Variants in ATP10A observed in about 807,000 individuals in gnomAD.
ATP10A encodes the protein phospholipid-transporting ATPase VA.
ATP10A carries 111 observed loss-of-function variants against 147.8 expected under a neutral mutation model. That is an observed-to-expected ratio of 0.75 (90% CI 0.64 to 0.88). The LOEUF is 0.88. Ranked by LOEUF, ATP10A falls within the 40% of genes least tolerant of loss-of-function variation. ATP10A has a pLI of 0.00. For synonymous variants in ATP10A, 875 were observed against 841.6 expected (o/e 1.04, Z -0.69); for missense variants, 1,927 against 1,959.0 (o/e 0.98, Z 0.31).
chr15:25,754,853 T>A (rs1043624236), intron 2 of ATP10A, among the ~76,000 whole-genome samples: 2 of 152,124 alleles, frequency 1.3e-5, no homozygotes, highest in Non-Finnish European at 2.9e-5. Context: ...ATTGAAGAAG[T>A]GCACTTGAGT....
At chr15:25,732,108 G>A (rs1418964560) in intron 3 of ATP10A, among the ~76,000 whole-genome samples, 1 of 152,122 alleles carries the variant, frequency 6.6e-6, no homozygotes, top group African/African-American at 2.4e-5. Flanking sequence ...CTAACCTCAA[G>A]TGAACCTCCC....
At position 25,725,944 on chromosome 15, in the gene ATP10A, G is replaced by T; in HGVS notation, c.979+7C>A. On this transcript the variant is annotated splice_region_variant and intron_variant, in intron 5 of 20. Transcript: ENST00000555815. Reference sequence around the variant, plus strand: ...CCACTCATTTCCGATCCATCTAGGAGACTTACCGACTGCTGAAAACAGAGA... The same window carrying T: ...CCACTCATTTCCGATCCATCTAGGATACTTACCGACTGCTGAAAACAGAGA... 1.2e-6 allele frequency: 2 copies of T among 1,612,136 alleles called. No individual in the cohort carries two copies. The highest frequency in any genetic ancestry group is 2.2e-5 in the South Asian group (2 of 90,918).
chr15:25,726,439 CT>C (rs1902555626), intron 4 of ATP10A, among the ~76,000 whole-genome samples: 1 of 145,016 alleles, frequency 6.9e-6, no homozygotes, highest in Non-Finnish European at 1.5e-5. Flanking sequence ...ATATGTTATG[CT>C]TTTTTTCTTT....
rs984919349 is a variant in ATP10A at position 25,778,059 on chromosome 15, CAT to C, written c.654+2958_654+2959del. Reference sequence around the variant, plus strand: ...CACATCAGACTTTCTCTGATTGAATCATGTGTGGTTTCTGTCTCCTGACTGGA... The same window carrying C: ...CACATCAGACTTTCTCTGATTGAATCGTGTGGTTTCTGTCTCCTGACTGGA... On this transcript the variant is annotated intron_variant, in intron 2 of 20. Coordinates refer to ENST00000555815, the MANE Select transcript of ATP10A (RefSeq NM_024490.4). Among the ~76,000 whole-genome samples, 4 of 152,206 alleles carry C rather than the reference CAT, an allele frequency of 2.6e-5. No homozygotes were observed. The East Asian group carries it at 5.8e-4, about 22-fold the overall frequency.
At chr15:25,804,477 T>C (rs1308727645) in intron 1 of ATP10A, among the ~76,000 whole-genome samples, 1 of 140,674 alleles carries the variant, frequency 7.1e-6, no homozygotes, top group Non-Finnish European at 1.5e-5. Flanking sequence ...GGTGTATGTA[T>C]GTGTGTGGTG....
chr15:25,724,110 G>C, intron 5 of ATP10A, 89 bp from the exon 6 acceptor site: 1 of 1,293,966 alleles, frequency 7.7e-7, no homozygotes, highest in Non-Finnish European at 1.0e-6. Flanking sequence ...TTTAATATTT[G>C]TTACCTGATG....
chr15:25,789,853 G>A (rs1044723851), intron 1 of ATP10A, among the ~76,000 whole-genome samples: 1 of 152,006 alleles, frequency 6.6e-6, no homozygotes, highest in Non-Finnish European at 1.5e-5. Flanking sequence ...ATGCCAGTAG[G>A]GCTCCCTCCC....
intron 1 of ATP10A, among the ~76,000 whole-genome samples, chr15:25,813,545 G>A (rs959664776): frequency 2.0e-5 from 3 of 152,058 alleles, no homozygotes; most frequent in Non-Finnish European, 4.4e-5. Context: ...CTACAACAAA[G>A]CATCAATCAA....
At chr15:25,742,469 C>T (rs749436342) in intron 2 of ATP10A, among the ~76,000 whole-genome samples, 12 of 152,226 alleles carry the variant, frequency 7.9e-5, no homozygotes, top group Non-Finnish European at 1.3e-4. Context: ...AGGCGCCAGC[C>T]TCCCCTTGCC....
chr15:25,680,205 G>A lies in ATP10A; in HGVS notation c.3782C>T (p.Pro1261Leu), dbSNP rs765870814. ...CAGTAAGGCTTGCATAGTCCAGTAA[G>A]GGTTGGACGGAGGATAGCACGTGGC... ...SCATCYPPSN[P>L]YWTMQALLGD... The change falls in exon 20 of 21, where the codon CCT becomes CTT. Residue 1261 changes from proline to leucine, a missense_variant. Transcript: ENST00000555815. 1 of 1,614,010 alleles carries A rather than the reference G, an allele frequency of 6.2e-7. No homozygotes were observed. The highest frequency in any genetic ancestry group is 8.5e-7 in the Non-Finnish European group (1 of 1,179,996).
intron 17 of ATP10A, among the ~76,000 whole-genome samples, chr15:25,681,516 C>T (rs1011358218): frequency 1.3e-5 from 2 of 152,154 alleles, no homozygotes; most frequent in African/African-American, 4.8e-5. Context: ...TTTTAGAGAG[C>T]CTCTCTCTGT....
chr15:25,689,106 G>A lies in ATP10A; in HGVS notation c.3166-1278C>T, dbSNP rs1316195353. On this transcript the variant is annotated intron_variant, in intron 15 of 20. Coordinates refer to ENST00000555815, the MANE Select transcript of ATP10A (RefSeq NM_024490.4). ...CTTTGAAGAAGAAACCCCCGCCCTT[G>A]AGAACCACAGTCAAACCCCTCTGAG... 2.0e-5 allele frequency among the ~76,000 whole-genome samples: 3 copies of A among 152,248 alleles called. No homozygotes were observed. The East Asian group carries it at 5.8e-4, about 29-fold the overall frequency.
At chr15:25,758,980 T>G (rs1253988929) in intron 2 of ATP10A, among the ~76,000 whole-genome samples, 1 of 152,114 alleles carries the variant, frequency 6.6e-6, no homozygotes, top group Non-Finnish European at 1.5e-5. Context: ...ACCCTGTCAG[T>G]CTCTTTAAAT....
At chr15:25,780,924 C>A in intron 2 of ATP10A, 95 bp downstream of exon 2, 1 of 1,354,594 alleles carries the variant, frequency 7.4e-7, no homozygotes. Flanking sequence ...GTCTGACAGA[C>A]AGGAAAATGC....
intron 6 of ATP10A, 45 bp from the exon 7 acceptor site, chr15:25,721,954 G>A (rs1369883518): frequency 6.4e-7 from 1 of 1,572,256 alleles, no homozygotes; most frequent in Non-Finnish European, 8.7e-7. Flanking sequence ...TGAGGACCAG[G>A]GAGCTGGGGA....
chr15:25,789,000 C>T (rs1890293011), intron 1 of ATP10A, among the ~76,000 whole-genome samples: 1 of 152,174 alleles, frequency 6.6e-6, no homozygotes, highest in African/African-American at 2.4e-5. Flanking sequence ...ATCTGTCATT[C>T]AGGCTGCAGT....
intron 1 of ATP10A, among the ~76,000 whole-genome samples, chr15:25,793,517 T>C (rs1890529954): frequency 6.6e-6 from 1 of 152,208 alleles, no homozygotes; most frequent in Non-Finnish European, 1.5e-5. Flanking sequence ...TGATTATAAG[T>C]AGTTCTCTGT....
chr15:25,825,893 A>G (rs953484730), intron 1 of ATP10A, among the ~76,000 whole-genome samples: 1 of 152,196 alleles, frequency 6.6e-6, no homozygotes, highest in African/African-American at 2.4e-5. Context: ...TAGAAAAAAT[A>G]AATATTTCCA....
intron 1 of ATP10A, among the ~76,000 whole-genome samples, chr15:25,818,746 C>T (rs996180898): frequency 1.3e-5 from 2 of 151,940 alleles, no homozygotes; most frequent in Admixed American, 6.6e-5. Flanking sequence ...AATATTGGTA[C>T]AAAAATAGAC....
Sources: allele counts gnomAD v4.1 joint callset (sites outside exome capture counted in the v4.1 genomes callset), GRCh38; gene constraint gnomAD v4.1.1; transcripts MANE v1.5; gene names NCBI Gene and HGNC (gene_info 2026-07-23, HGNC 2026-07-21).